Variants in GOLPH3 observed in about 807,000 individuals in gnomAD.
GOLPH3 encodes the protein coat protein GPP34.
GOLPH3 carries 14 observed loss-of-function variants against 28.5 expected under a neutral mutation model. That is an observed-to-expected ratio of 0.49 (90% CI 0.32 to 0.77). The LOEUF is 0.77. GOLPH3 is among the 30% of genes least tolerant of loss of function. The pLI is 0.03. For synonymous variants in GOLPH3, 158 were observed against 159.2 expected (o/e 0.99, Z 0.06); for missense variants, 350 against 393.7 (o/e 0.89, Z 0.94).
At chr5:32,161,958 C>T (rs1472573343) in intron 1 of GOLPH3, among the ~76,000 whole-genome samples, 7 of 150,584 alleles carry the variant, frequency 4.6e-5, no homozygotes, top group Non-Finnish European at 1.0e-4. Context: ...ACCCGGGAGG[C>T]AGAGCTTGCA....
In GOLPH3 at chr5:32,126,371, C is replaced by G; in HGVS notation, c.738G>C (p.Ser246=). The G allele has an allele frequency of 6.2e-7, 1 of 1,614,124 alleles. No homozygotes were observed. Residue 246 remains serine, a synonymous_variant, in exon 4 of 4, where the codon TCG becomes TCC. Coordinates refer to ENST00000265070, the MANE Select transcript of GOLPH3 (RefSeq NM_022130.4). The part of the protein sequence containing the change: ...LLALIYLAHA[S]DVLENAFAPL... ...GAGCAAAAGCATTCTCCAGGACGTC[C>G]GAGGCATGAGCCAGGTAAATGAGGG...
intron 3 of GOLPH3, among the ~76,000 whole-genome samples, chr5:32,128,419 T>A (rs745730891): frequency 5.3e-5 from 8 of 151,926 alleles, no homozygotes; most frequent in Non-Finnish European, 1.2e-4. Context: ...GCACTGTGGG[T>A]AGCCCAGACG....
At chr5:32,128,022 G>A (rs41409845) in intron 3 of GOLPH3, among the ~76,000 whole-genome samples, 1,599 of 152,144 alleles carry the variant, frequency 0.011, 26 homozygotes, top group African/African-American at 0.036. Context: ...GTTCAGGGTA[G>A]CTAAGGCAGC....
In GOLPH3 at chr5:32,126,176, C is replaced by G. The variant is rs367578143; in HGVS notation, c.*36G>C. The G allele has an allele frequency of 7.5e-5, 118 of 1,566,816 alleles. No individual in the cohort carries two copies. In the Middle Eastern group the frequency reaches 1.2e-3, roughly 16 times the overall value. ...CAACAGAAGAAAAACTACTGGTTTA[C>G]TTGAGAGAAAGGAGAATGGTTCACC... On this transcript the variant is annotated 3_prime_UTR_variant, in exon 4 of 4. Coordinates refer to ENST00000265070, the MANE Select transcript of GOLPH3 (RefSeq NM_022130.4).
intron 1 of GOLPH3, among the ~76,000 whole-genome samples, chr5:32,155,067 C>A (rs1273446678): frequency 7.6e-6 from 1 of 131,638 alleles, no homozygotes; most frequent in Non-Finnish European, 1.5e-5. Flanking sequence ...CCACTGCAAT[C>A]CCGCCTGGGC....
chr5:32,161,376 C>T (rs1193245997), intron 1 of GOLPH3, among the ~76,000 whole-genome samples: 1 of 148,072 alleles, frequency 6.8e-6, no homozygotes, highest in Non-Finnish European at 1.5e-5. Context: ...TGGACTCCAC[C>T]CTGGGTGACA....
rs905967633 is a variant in GOLPH3 at position 32,143,150 on chromosome 5, A to C, written c.357+599T>G. 3.1e-3 allele frequency among the ~76,000 whole-genome samples: 473 copies of C among 152,236 alleles called. 4 individuals carry two copies. The highest frequency in any genetic ancestry group is 0.011 in the African/African-American group (460 of 41,476). ...GGGATCCTGTTGATCGGTGACCTTAAACCCAACCCTGTGCTCTCTGAAACA... is the reference window on the plus strand; with the variant it reads ...GGGATCCTGTTGATCGGTGACCTTACACCCAACCCTGTGCTCTCTGAAACA... On this transcript the variant is annotated intron_variant, in intron 2 of 3. Coordinates refer to ENST00000265070, the MANE Select transcript of GOLPH3 (RefSeq NM_022130.4).
In GOLPH3 at chr5:32,143,854, A is replaced by G. The variant is rs374794272; in HGVS notation, c.252T>C (p.Cys84=). ...REGYTSFWND[C]ISSGLRGCML... ...TACAGCCACGTAATCCAGATGATATACAGTCATTCCAAAATGATGTGTAAC... is the reference window on the plus strand; with the variant it reads ...TACAGCCACGTAATCCAGATGATATGCAGTCATTCCAAAATGATGTGTAAC... Residue 84 remains cysteine, a synonymous_variant, in exon 2 of 4, where the codon TGT becomes TGC. Transcript: ENST00000265070. 107 of 1,580,768 alleles carry G rather than the reference A, an allele frequency of 6.8e-5. No individual in the cohort carries two copies. The highest frequency in any genetic ancestry group is 1.7e-4 in the Middle Eastern group (1 of 6,020).
At chr5:32,153,740 A>C (rs1746359844) in intron 1 of GOLPH3, among the ~76,000 whole-genome samples, 1 of 152,248 alleles carries the variant, frequency 6.6e-6, no homozygotes, top group Non-Finnish European at 1.5e-5. Context: ...AAACCACGTA[A>C]ACAGATTTTT....
At chr5:32,145,615 G>C (rs1185351991) in intron 1 of GOLPH3, among the ~76,000 whole-genome samples, 2 of 152,148 alleles carry the variant, frequency 1.3e-5, no homozygotes, top group Non-Finnish European at 2.9e-5. Flanking sequence ...CAGCCCTACA[G>C]CCTGCAAACT....
intron 2 of GOLPH3, among the ~76,000 whole-genome samples, chr5:32,140,090 T>G (rs1746022862): frequency 6.6e-6 from 1 of 151,548 alleles, no homozygotes; most frequent in Non-Finnish European, 1.5e-5. Context: ...ACTGAAAAAA[T>G]TAATGCATAA....
At chr5:32,168,604 G>A (rs1331663198) in intron 1 of GOLPH3, among the ~76,000 whole-genome samples, 1 of 152,100 alleles carries the variant, frequency 6.6e-6, no homozygotes, top group Admixed American at 6.5e-5. Context: ...AAATCAGACT[G>A]GAAAAAAACA....
At chr5:32,157,992 A>G (rs1746469499) in intron 1 of GOLPH3, among the ~76,000 whole-genome samples, 1 of 93,466 alleles carries the variant, frequency 1.1e-5, no homozygotes, top group African/African-American at 5.2e-5. Flanking sequence ...TAAATAAATA[A>G]ATAAATAAAT....
chr5:32,146,280 G>A (rs975366311), intron 1 of GOLPH3, among the ~76,000 whole-genome samples: 11 of 120,516 alleles, frequency 9.1e-5, no homozygotes, highest in South Asian at 2.6e-4. Context: ...ACAGGAGTAA[G>A]ACCCTATCTC....
chr5:32,147,971 C>T (rs1244562808), intron 1 of GOLPH3, among the ~76,000 whole-genome samples: 1 of 152,146 alleles, frequency 6.6e-6, no homozygotes, highest in Non-Finnish European at 1.5e-5. Flanking sequence ...ATATAAAGCA[C>T]AACCCCTGGC....
intron 3 of GOLPH3, among the ~76,000 whole-genome samples, chr5:32,127,505 T>C (rs993873144): frequency 1.3e-5 from 2 of 152,252 alleles, no homozygotes; most frequent in South Asian, 4.1e-4. Flanking sequence ...ACACTGTCCA[T>C]TACAGGAGCC....
intron 1 of GOLPH3, among the ~76,000 whole-genome samples, chr5:32,156,897 T>C (rs1398877941): frequency 6.6e-6 from 1 of 152,226 alleles, no homozygotes; most frequent in Non-Finnish European, 1.5e-5. Context: ...TAGAGATCCT[T>C]GGTCTATGGT....
At chr5:32,157,702 C>T (rs1746460523) in intron 1 of GOLPH3, among the ~76,000 whole-genome samples, 1 of 152,162 alleles carries the variant, frequency 6.6e-6, no homozygotes, top group Admixed American at 6.6e-5. Flanking sequence ...TGGGGTTGGG[C>T]ATAGTGGCTC....
chr5:32,142,322 G>A (rs1444976447), intron 2 of GOLPH3, among the ~76,000 whole-genome samples: 6 of 150,168 alleles, frequency 4.0e-5, no homozygotes, highest in Admixed American at 4.0e-4. Context: ...GAGACCCTCT[G>A]CCTGGCAACC....
Sources: allele counts gnomAD v4.1 joint callset (sites outside exome capture counted in the v4.1 genomes callset), GRCh38; gene constraint gnomAD v4.1.1; transcripts MANE v1.5; gene names NCBI Gene and HGNC (gene_info 2026-07-23, HGNC 2026-07-21).